The following ZNF708 variants were observed in gnomAD, a reference collection of about 807,000 sequenced individuals.
The protein encoded by ZNF708 is ZNF15, ZNF15L1.
Under a neutral mutation model 47.0 loss-of-function variants are expected in ZNF708, and 44 were observed. The ratio of observed to expected loss-of-function variants is 0.94; its 90% CI spans 0.74 to 1.20. ZNF708 has a LOEUF of 1.20. Among genes scored for constraint, ZNF708 ranks in the 50% most tolerant of loss-of-function variants. The probability of loss-of-function intolerance (pLI) is 0.00; values close to 1 mark genes in which losing one functional copy is unlikely to be tolerated. For synonymous variants in ZNF708, 184 were observed against 218.5 expected (o/e 0.84, Z 1.39); for missense variants, 557 against 656.0 (o/e 0.85, Z 1.65).
chr19:21,297,271 T>TATATATATATATATATATATA lies in ZNF708; in HGVS notation c.227-2533_227-2532insTATATATATATATATATATAT, dbSNP rs1491214834. On this transcript the variant is annotated intron_variant, in intron 3 of 3. Coordinates refer to ENST00000356929, the MANE Select transcript of ZNF708 (RefSeq NM_021269.3). ...ATATATATATATATATATATATATA[T>TATATATATATATATATATATA]TTTTTTTTTTTTTTTTTTTTTTTTT... Among the ~76,000 whole-genome samples the TATATATATATATATATATATA allele has an allele frequency of 9.4e-4, 16 of 16,988 alleles. 3 individuals are homozygous for TATATATATATATATATATATA. The highest frequency in any genetic ancestry group is 7.4e-3 in the South Asian group (2 of 272). The allele number at this position is 16,988 out of a possible 152,430, so 11.1% of individuals were successfully genotyped here.
intron 1 of ZNF708, among the ~76,000 whole-genome samples, chr19:21,321,137 TAAAAAAAAGAAAAGA>T (rs893371221): frequency 2.0e-5 from 3 of 147,170 alleles, no homozygotes; most frequent in African/African-American, 7.5e-5. Flanking sequence ...AGACTCATCT[TAAAAAAAAGAAAAGA>T]AAAGAAAAGA....
At chr19:21,302,573 C>A (rs1438908414) in intron 3 of ZNF708, among the ~76,000 whole-genome samples, 1 of 151,820 alleles carries the variant, frequency 6.6e-6, no homozygotes, top group East Asian at 1.9e-4. Context: ...GTGGCAGGTA[C>A]CTGTAAGCCC....
At chr19:21,323,186 C>T (rs899167311) in intron 1 of ZNF708, among the ~76,000 whole-genome samples, 7 of 152,182 alleles carry the variant, frequency 4.6e-5, no homozygotes, top group Admixed American at 6.5e-5. Context: ...AACAGTTTAT[C>T]GAAAGAAACA....
chr19:21,325,141 T>C (rs758798259), intron 1 of ZNF708, among the ~76,000 whole-genome samples: 15 of 152,142 alleles, frequency 9.9e-5, no homozygotes, highest in Non-Finnish European at 1.8e-4. Flanking sequence ...ATGACCATAC[T>C]GCCAAAAGCA....
At chr19:21,297,270 ATTTTTTTTTTTTTTTTTTT>A (rs1157234305) in intron 3 of ZNF708, among the ~76,000 whole-genome samples, 2 of 46,674 alleles carry the variant, frequency 4.3e-5, no homozygotes, top group African/African-American at 1.9e-4. Flanking sequence ...ATATATATAT[ATTTTTTTTTTTTTTTTTTT>A]TTTTTTTTTT....
intron 3 of ZNF708, among the ~76,000 whole-genome samples, chr19:21,297,034 G>A (rs1280733124): frequency 1.3e-5 from 2 of 151,462 alleles, no homozygotes; most frequent in Non-Finnish European, 2.9e-5. Context: ...TTGGGAGGCT[G>A]AGGCAGGAGA....
At chr19:21,326,391 T>C (rs1290610509) in intron 1 of ZNF708, among the ~76,000 whole-genome samples, 1 of 152,122 alleles carries the variant, frequency 6.6e-6, no homozygotes, top group Non-Finnish European at 1.5e-5. Context: ...CCATAAAAAA[T>C]GAATTAACAG....
At chr19:21,319,762 C>G (rs747174994) in intron 1 of ZNF708, among the ~76,000 whole-genome samples, 1 of 152,200 alleles carries the variant, frequency 6.6e-6, no homozygotes, top group Non-Finnish European at 1.5e-5. Flanking sequence ...GAGATACCAT[C>G]TCACACCAGT....
chr19:21,315,820 C>G lies in ZNF708; in HGVS notation c.4-5193G>C, dbSNP rs1303456378. ...AATTTATAGCTACTTGTGGCAATAGCAAGCAGTTTCAAGTGGTAACTACAT... is the reference window on the plus strand; with the variant it reads ...AATTTATAGCTACTTGTGGCAATAGGAAGCAGTTTCAAGTGGTAACTACAT... On this transcript the variant is annotated intron_variant, in intron 1 of 3. Coordinates refer to ENST00000356929, the MANE Select transcript of ZNF708 (RefSeq NM_021269.3). Among the ~76,000 whole-genome samples the G allele has an allele frequency of 3.3e-5, 5 of 152,138 alleles. No individual in the cohort carries two copies. In the South Asian group the frequency reaches 6.2e-4, roughly 19 times the overall value.
chr19:21,316,380 C>T (rs909181417), intron 1 of ZNF708, among the ~76,000 whole-genome samples: 1 of 151,892 alleles, frequency 6.6e-6, no homozygotes, highest in African/African-American at 2.4e-5. Context: ...CCCGTCTTGG[C>T]CTCCCAAAGT....
intron 1 of ZNF708, among the ~76,000 whole-genome samples, chr19:21,323,592 T>C (rs1033751115): frequency 6.6e-6 from 1 of 152,256 alleles, no homozygotes; most frequent in Non-Finnish European, 1.5e-5. Context: ...AATATTTCTT[T>C]GGAAGTCAAA....
chr19:21,323,926 T>G (rs1450253203), intron 1 of ZNF708, among the ~76,000 whole-genome samples: 1 of 152,172 alleles, frequency 6.6e-6, no homozygotes, highest in Non-Finnish European at 1.5e-5. Flanking sequence ...ATGTCAAGAG[T>G]TATTCACTTG....
At position 21,310,621 on chromosome 19, in the gene ZNF708, A is replaced by C; in HGVS notation, c.10T>G (p.Leu4Val). 6.5e-7 allele frequency: 1 copy of C among 1,534,024 alleles called. No homozygotes were observed. Among genetic ancestry groups the C allele is most frequent in the African/African-American group, 1.4e-5 (1 of 71,230 alleles). MGP[L>V]TFMDVAIEFS... ...TCTATGGCCACATCCATAAATGTCA[A>C]TGGTCCCTGAAAAACACATACACAC... Residue 4 changes from leucine (L) to valine (V), a missense_variant, in exon 2 of 4, where the codon TTG becomes GTG. Physicochemically the swap from Leu to Val is conservative, Grantham distance 32. Transcript: ENST00000356929.
In ZNF708 at chr19:21,313,601, T is replaced by C. The variant is rs542723894; in HGVS notation, c.4-2974A>G. On this transcript the variant is annotated intron_variant, in intron 1 of 3. Coordinates refer to ENST00000356929, the MANE Select transcript of ZNF708 (RefSeq NM_021269.3). ...GGTGAAGCCCCGTCTCTACTAAAAATACAAAAATTAGCTAGTCATGGTGGT... is the reference window on the plus strand; with the variant it reads ...GGTGAAGCCCCGTCTCTACTAAAAACACAAAAATTAGCTAGTCATGGTGGT... Among the ~76,000 whole-genome samples, 5 of 151,756 alleles carry C rather than the reference T, an allele frequency of 3.3e-5. No homozygotes were observed. The South Asian group carries it at 1.0e-3, about 32-fold the overall frequency.
At chr19:21,297,738 G>A (rs1972568777) in intron 3 of ZNF708, among the ~76,000 whole-genome samples, 2 of 151,792 alleles carry the variant, frequency 1.3e-5, no homozygotes, top group Admixed American at 1.3e-4. Context: ...CAAGTCAGTT[G>A]AAACCTAATG....
At chr19:21,301,850 T>C (rs202169539) in intron 3 of ZNF708, among the ~76,000 whole-genome samples, 2 of 30,222 alleles carry the variant, frequency 6.6e-5, no homozygotes, top group African/African-American at 1.7e-4. Flanking sequence ...GATAAAAAAA[T>C]ATTTCTAACC....
chr19:21,310,658 C>A, intron 1 of ZNF708, 31 bp from the exon 2 acceptor site: 1 of 1,424,982 alleles, frequency 7.0e-7, no homozygotes, highest in South Asian at 1.6e-5. Context: ...CACATATTTA[C>A]CAAGTGGTTA....
intron 3 of ZNF708, among the ~76,000 whole-genome samples, chr19:21,308,940 T>G (rs1390920422): frequency 1.3e-5 from 2 of 151,942 alleles, no homozygotes; most frequent in Non-Finnish European, 2.9e-5. Flanking sequence ...TTCTCAAAAT[T>G]ATGCAGATAT....
intron 1 of ZNF708, among the ~76,000 whole-genome samples, chr19:21,321,594 AGAAGG>A (rs954570467): frequency 4.8e-5 from 6 of 125,210 alleles, no homozygotes; most frequent in Non-Finnish European, 3.3e-5. Context: ...AAAAGGGAAG[AGAAGG>A]GAAGGGAAGG....
Sources: gnomAD v4.1 joint callset for allele counts (sites outside exome capture counted in the v4.1 genomes callset) on GRCh38, gnomAD v4.1.1 for gene constraint, MANE v1.5 for transcripts, NCBI Gene and HGNC (gene_info 2026-07-23, HGNC 2026-07-21) for gene names.